Variants in SENP6 observed in about 807,000 individuals in gnomAD.
The protein encoded by SENP6 is sentrin-specific protease 6.
Under a neutral mutation model 134.5 loss-of-function variants are expected in SENP6, and 41 were observed. That is an observed-to-expected ratio of 0.30 (90% CI 0.24 to 0.40). SENP6 has a LOEUF of 0.40. Ranked by LOEUF, SENP6 falls within the 10% of genes least tolerant of loss-of-function variation. The pLI, the probability that SENP6 is intolerant of heterozygous loss-of-function variation, is 1.00. For synonymous variants in SENP6, 395 were observed against 429.8 expected (o/e 0.92, Z 1.00); for missense variants, 1,248 against 1,312.5 (o/e 0.95, Z 0.76).
chr6:75,644,475 C>T (rs945501041), intron 6 of SENP6, among the ~76,000 whole-genome samples: 156 of 143,502 alleles, frequency 1.1e-3, no homozygotes, highest in African/African-American at 3.7e-3. Context: ...TTCTTTCTTT[C>T]TTTTTTTTTT....
At chr6:75,690,018 C>T (rs776261871) in intron 16 of SENP6, among the ~76,000 whole-genome samples, 4 of 152,150 alleles carry the variant, frequency 2.6e-5, no homozygotes, top group Admixed American at 1.3e-4. Context: ...CTCAAGTGAT[C>T]GTCCTGCCTC....
At chr6:75,603,005 T>C (rs1233204640) in intron 1 of SENP6, among the ~76,000 whole-genome samples, 1 of 152,232 alleles carries the variant, frequency 6.6e-6, no homozygotes, top group African/African-American at 2.4e-5. Flanking sequence ...ACAGTTTCAT[T>C]GAGGTGTGTT....
intron 5 of SENP6, among the ~76,000 whole-genome samples, chr6:75,637,649 A>G (rs1203770319): frequency 3.3e-5 from 5 of 152,082 alleles, no homozygotes; most frequent in African/African-American, 1.2e-4. Context: ...TATTAAGTAT[A>G]GATAAAAAGA....
intron 7 of SENP6, among the ~76,000 whole-genome samples, chr6:75,656,232 A>C (rs1321239374): frequency 6.8e-6 from 1 of 147,326 alleles, no homozygotes; most frequent in Non-Finnish European, 1.5e-5. Context: ...AAAAAAAAAA[A>C]GAATACACAT....
At chr6:75,605,806 T>C (rs897395097) in intron 1 of SENP6, among the ~76,000 whole-genome samples, 1 of 151,632 alleles carries the variant, frequency 6.6e-6, no homozygotes. Flanking sequence ...AAAAAAAGTT[T>C]GGCTGCTTTT....
chr6:75,711,653 GT>G (rs1198140034), intron 21 of SENP6, among the ~76,000 whole-genome samples: 1 of 152,142 alleles, frequency 6.6e-6, no homozygotes, highest in African/African-American at 2.4e-5. Flanking sequence ...ACACACAAAT[GT>G]TTTGTTTTGT....
chr6:75,715,682 A>G lies in SENP6; in HGVS notation c.*88A>G. ...ACAATAAAGAACTGAAGTGCTCACT[A>G]CTCAGTGATTTGGAAATTTTGATGC... On this transcript the variant is annotated 3_prime_UTR_variant, in exon 24 of 24. Transcript: ENST00000447266. 2 of 889,650 alleles carry G rather than the reference A, an allele frequency of 2.2e-6. No homozygotes were observed. Among genetic ancestry groups the G allele is most frequent in the Non-Finnish European group, 3.4e-6 (2 of 585,534 alleles). 55.1% of individuals were successfully genotyped at this position (889,650 alleles called of 1,614,324 possible).
intron 7 of SENP6, among the ~76,000 whole-genome samples, chr6:75,653,800 G>T (rs551148621): frequency 6.6e-6 from 1 of 152,270 alleles, no homozygotes; most frequent in Admixed American, 6.5e-5. Context: ...AAACTCCACG[G>T]CTAGATAGAC....
chr6:75,649,241 G>T (rs1770683478), intron 7 of SENP6, among the ~76,000 whole-genome samples: 1 of 151,996 alleles, frequency 6.6e-6, no homozygotes, highest in African/African-American at 2.4e-5. Flanking sequence ...CTTGAACCCA[G>T]GAGGCAGAGG....
At chr6:75,687,413 T>C (rs1428154009) in intron 16 of SENP6, among the ~76,000 whole-genome samples, 2 of 152,216 alleles carry the variant, frequency 1.3e-5, no homozygotes, top group African/African-American at 4.8e-5. Flanking sequence ...CTCGTCAAAG[T>C]CATTCTCCGT....
chr6:75,672,905 G>A (rs1772790658), intron 11 of SENP6, among the ~76,000 whole-genome samples: 1 of 152,096 alleles, frequency 6.6e-6, no homozygotes, highest in Admixed American at 6.5e-5. Flanking sequence ...TCGGCTCACT[G>A]CAAGCTCCGC....
Position 75,602,361 on chromosome 6 carries a change from T to G in SENP6, c.-164T>G. Reference sequence around the variant, plus strand: ...AGGCCCGGGCGCGCCTGGCCTGCCTTTGTATAGGCCCGTCTGAACGTGGGA... The same window carrying G: ...AGGCCCGGGCGCGCCTGGCCTGCCTGTGTATAGGCCCGTCTGAACGTGGGA... On this transcript the variant is annotated 5_prime_UTR_variant, in exon 1 of 24. Transcript: ENST00000447266. 5.6e-5 allele frequency: 39 copies of G among 697,198 alleles called. No homozygotes were observed. The highest frequency in any genetic ancestry group is 4.3e-4 in the Middle Eastern group (1 of 2,316). The allele number at this position is 697,198 out of a possible 1,614,324, so 43.2% of individuals were successfully genotyped here.
At position 75,676,907 on chromosome 6, in the gene SENP6, T is replaced by C. The variant is rs1409730485; in HGVS notation, c.1622-123T>C. On this transcript the variant is annotated intron_variant, in intron 13 of 23. Coordinates refer to ENST00000447266, the MANE Select transcript of SENP6 (RefSeq NM_015571.4). ...TGTATCCACTGTATGTCAGACATTG[T>C]TGTGGACCTTTATACTGGGATTTCT... 88 of 607,288 alleles carry C rather than the reference T, an allele frequency of 1.4e-4. No homozygotes were observed. In the East Asian group the frequency reaches 2.4e-3, roughly 16 times the overall value. The allele number at this position is 607,288 out of a possible 1,614,324, so 37.6% of individuals were successfully genotyped here. A position where few individuals can be genotyped will look rare whatever the true frequency, so the allele number is the denominator to read the frequency against.
chr6:75,636,003 C>T (rs1769482583), intron 5 of SENP6, among the ~76,000 whole-genome samples: 1 of 151,970 alleles, frequency 6.6e-6, no homozygotes, highest in East Asian at 1.9e-4. Flanking sequence ...TTTGGAATTA[C>T]TAGTGACCTA....
intron 8 of SENP6, among the ~76,000 whole-genome samples, chr6:75,662,930 A>T (rs1258664562): frequency 2.0e-5 from 3 of 152,136 alleles, no homozygotes; most frequent in East Asian, 3.8e-4. Context: ...TATATAGCTG[A>T]CTGCTAGACT....
chr6:75,697,486 A>G lies in SENP6; in HGVS notation c.2257A>G (p.Lys753Glu). ...TWTRHVDIFE[K>E]DFIFVPLNEA... ...GACCCGGCACGTAGATATTTTTGAG[A>G]AGGATTTTATTTTTGTACCCCTTAA... The change falls in exon 18 of 24, where the codon AAG becomes GAG. Residue 753 changes from lysine to glutamate, a missense_variant. Transcript: ENST00000447266. 6.2e-7 allele frequency: 1 copy of G among 1,613,456 alleles called. No individual in the cohort carries two copies. The highest frequency in any genetic ancestry group is 8.5e-7 in the Non-Finnish European group (1 of 1,179,598).
chr6:75,636,283 G>C (rs1159570467), intron 5 of SENP6, among the ~76,000 whole-genome samples: 3 of 152,096 alleles, frequency 2.0e-5, no homozygotes, highest in Non-Finnish European at 4.4e-5. Flanking sequence ...GGGCAGCAAA[G>C]AAAACTGTAT....
chr6:75,612,035 A>G (rs1012485039), intron 1 of SENP6: 2 of 152,216 alleles, frequency 1.3e-5, no homozygotes, highest in African/African-American at 4.8e-5. Context: ...TTCTATACCA[A>G]GAGATACAGG....
intron 4 of SENP6, among the ~76,000 whole-genome samples, chr6:75,634,271 A>G (rs552782109): frequency 1.3e-5 from 2 of 152,114 alleles, no homozygotes; most frequent in Non-Finnish European, 2.9e-5. Flanking sequence ...CAGAAATAGT[A>G]TTTAGGACTC....
Sources: gnomAD v4.1 joint callset for allele counts (sites outside exome capture counted in the v4.1 genomes callset) on GRCh38, gnomAD v4.1.1 for gene constraint, MANE v1.5 for transcripts, NCBI Gene and HGNC (gene_info 2026-07-23, HGNC 2026-07-21) for gene names.